RNF31: variants seen among roughly 807,000 people sequenced by gnomAD.
RNF31 encodes ring finger protein 31.
RNF31 carries 38 observed loss-of-function variants against 133.6 expected under a neutral mutation model. That is an observed-to-expected ratio of 0.28 (90% CI 0.22 to 0.37). The LOEUF (loss-of-function observed/expected upper bound fraction) is 0.37. Ranked by LOEUF, RNF31 falls within the 10% of genes least tolerant of loss-of-function variation. The pLI is 1.00. For missense variants in RNF31, 1,118 were observed against 1,394.1 expected (o/e 0.80, Z 3.15); for synonymous variants, 582 against 552.3 (o/e 1.05, Z -0.75).
In RNF31 at chr14:24,157,358, A is replaced by C; in HGVS notation, c.2562A>C (p.Glu854Asp). The C allele has an allele frequency of 6.2e-7, 1 of 1,612,644 alleles. No individual in the cohort carries two copies. The highest frequency in any genetic ancestry group is 8.5e-7 in the Non-Finnish European group (1 of 1,178,790). The change falls in exon 15 of 21, where the codon GAA (glutamate) becomes GAC (aspartate). Residue 854 changes from glutamate to aspartate, a missense_variant. Physicochemically the swap from Glu to Asp is conservative, Grantham distance 45. Transcript: ENST00000324103. ...FQNWKRMNDPEYQAQGLAMYL... is the reference protein window; with the variant it reads ...FQNWKRMNDPDYQAQGLAMYL... ...ACTGGAAACGCATGAACGACCCAGAATACCAGGCCCAGGGCCTAGCAATGT... is the reference window on the plus strand; with the variant it reads ...ACTGGAAACGCATGAACGACCCAGACTACCAGGCCCAGGGCCTAGCAATGT...
Position 24,151,211 on chromosome 14 carries a change from G to C in RNF31, c.1569G>C (p.Trp523Cys). The C allele has an allele frequency of 1.9e-6, 3 of 1,614,188 alleles. No homozygotes were observed. The highest frequency in any genetic ancestry group is 2.5e-6 in the Non-Finnish European group (3 of 1,180,048). The change falls in exon 9 of 21, where the codon TGG becomes TGC. Residue 523 changes from tryptophan (W) to cysteine (C), a missense_variant. This residue lies in a region of RNF31 where 747 missense variants were observed against 827.9 expected (regional missense o/e 0.90). Coordinates refer to ENST00000324103, the MANE Select transcript of RNF31 (RefSeq NM_017999.5). This position sits in a 1 kb window ranked among gnomAD's most constrained non-coding sequence, Gnocchi z 5.3. ...CGGGCACTGAGGTGCCTCTGCAGTG[G>C]TTGCGCTCAGAACTGCCCTACGTCC... is the stretch of plus-strand genomic sequence containing the variant. Reference protein sequence around the residue: ...QYSGTEVPLQWLRSELPYVLE... With the variant: ...QYSGTEVPLQCLRSELPYVLE...
rs532103765 is a variant in RNF31 at position 24,157,284 on chromosome 14, T to C, written c.2494-6T>C. The C allele has an allele frequency of 1.9e-5, 31 of 1,595,416 alleles. No individual in the cohort carries two copies. The highest frequency in any genetic ancestry group is 1.5e-4 in the African/African-American group (11 of 74,384). ...TCCCATGTGAAGCCTACTTTCCCTC[T>C]GGCAGTGGGAGGAGCAGCACCGAGG... On this transcript the variant is annotated splice_region_variant and splice_polypyrimidine_tract_variant and intron_variant, in intron 14 of 20. Coordinates refer to ENST00000324103, the MANE Select transcript of RNF31 (RefSeq NM_017999.5).
rs372700410 is a variant in RNF31, at chr14:24,155,467, C to T, written c.2358C>T (p.Thr786=). 1.7e-4 allele frequency: 281 copies of T among 1,614,062 alleles called. 2 individuals are homozygous for T. The highest frequency in any genetic ancestry group is 1.0e-3 in the South Asian group (94 of 91,086). ...ATGCGTTGTTCCATAAGAAGCTGAC[C>T]GAGGGTGTGCTGATGCGGGACCCCA... The part of the protein sequence containing the change: ...DAYALFHKKL[T]EGVLMRDPKF... The change falls in exon 13 of 21, where the codon ACC becomes ACT. Residue 786 remains threonine (T), a synonymous_variant. Transcript: ENST00000324103. This position sits in a 1 kb window ranked among gnomAD's most constrained non-coding sequence, Gnocchi z 4.9.
rs765852307 is a variant in RNF31, at chr14:24,160,304, A to G, written c.3062A>G (p.Tyr1021Cys). ...CACTCGCTGGACCCAGCCACCTTGT[A>G]TGAGGTGGAAGAGCTGGAGACGGCC... ...NAHSLDPATLYEVEELETATE... is the reference protein window; with the variant it reads ...NAHSLDPATLCEVEELETATE... Residue 1021 changes from tyrosine (Y) to cysteine (C), a missense_variant, in exon 20 of 21, where the codon TAT becomes TGT. Around this residue, in one of 3 missense-constraint regions of RNF31, gnomAD observed 170 missense variants for 194.5 expected, o/e 0.87. Coordinates refer to ENST00000324103, the MANE Select transcript of RNF31 (RefSeq NM_017999.5). This position sits in a 1 kb window ranked among gnomAD's most constrained non-coding sequence, Gnocchi z 4.0. 1 of 1,614,162 alleles carries G rather than the reference A, an allele frequency of 6.2e-7. No homozygotes were observed. The highest frequency in any genetic ancestry group is 1.1e-5 in the South Asian group (1 of 91,090).
intron 11 of RNF31, among the ~76,000 whole-genome samples, chr14:24,153,490 T>C (rs995234745): frequency 6.6e-6 from 1 of 151,496 alleles, no homozygotes. Context: ...GGCAGGAGAA[T>C]CGCTTGAACC....
chr14:24,157,827 C>T (rs898963322), intron 16 of RNF31, 71 bp from the exon 17 acceptor site: 23 of 1,318,312 alleles, frequency 1.7e-5, no homozygotes, highest in Admixed American at 1.4e-4. Context: ...ACACCCCTCA[C>T]GCAGGGGTTC....
chr14:24,152,361 C>T lies in RNF31; in HGVS notation c.2130+369C>T, dbSNP rs140191495. ...GGCTATTATGATATCAAATATCAGGCATAATATAGTTTATAAATGTTTCCG... is the reference window on the plus strand; with the variant it reads ...GGCTATTATGATATCAAATATCAGGTATAATATAGTTTATAAATGTTTCCG... On this transcript the variant is annotated intron_variant, in intron 11 of 20. Coordinates refer to ENST00000324103, the MANE Select transcript of RNF31 (RefSeq NM_017999.5). Among the ~76,000 whole-genome samples the T allele has an allele frequency of 4.2e-3, 633 of 152,290 alleles. 9 individuals carry two copies. Among genetic ancestry groups the T allele is most frequent in the Middle Eastern group, 0.017 (5 of 294 alleles).
intron 11 of RNF31, among the ~76,000 whole-genome samples, chr14:24,154,520 C>T (rs568390111): frequency 9.2e-5 from 14 of 152,308 alleles, no homozygotes; most frequent in Non-Finnish European, 1.5e-4. Context: ...TCAAGTGATG[C>T]GCCCGCCTTG....
In RNF31 at chr14:24,159,910, G is replaced by A; in HGVS notation, c.2946G>A (p.Arg982=). The change falls in exon 19 of 21, where the codon AGG becomes AGA. Residue 982 remains arginine (R), a synonymous_variant. Transcript: ENST00000324103. ...IEQKEVPNGL[R]DEACGKETPA... The stretch of plus-strand genomic sequence containing the variant: ...AGAAGGAGGTTCCCAATGGGCTCAG[G>A]GACGAAGCTTGTGGCAAGGAAACTC... 1.2e-6 allele frequency: 2 copies of A among 1,614,156 alleles called. No individual in the cohort carries two copies. Among genetic ancestry groups the A allele is most frequent in the Non-Finnish European group, 8.5e-7 (1 of 1,180,044 alleles).
chr14:24,157,864 C>T (rs1455862477), intron 16 of RNF31, 34 bp from the exon 17 acceptor site: 1 of 1,585,168 alleles, frequency 6.3e-7, no homozygotes, highest in Non-Finnish European at 8.7e-7. Context: ...CCAACAGTCT[C>T]CAACTTCCTC....
At chr14:24,154,198 C>T (rs1396396348) in intron 11 of RNF31, among the ~76,000 whole-genome samples, 1 of 151,948 alleles carries the variant, frequency 6.6e-6, no homozygotes, top group Non-Finnish European at 1.5e-5. Context: ...GCTCTTGTTG[C>T]CCAGCCTGGA....
At chr14:24,148,913 C>A in intron 5 of RNF31, 37 bp downstream of exon 5, 2 of 1,554,064 alleles carry the variant, frequency 1.3e-6, no homozygotes, top group South Asian at 1.1e-5. Context: ...AGGTAGGAAG[C>A]TATATTGATG....
rs773511210 is a variant in RNF31, at chr14:24,155,165, C to T, written c.2139C>T (p.Ala713=). Reference sequence around the variant, plus strand: ...AACCCCTCACCCTCCAGATGCAGGCCCTGACTTCCTGTGAGTGCACCATCT... The same window carrying T: ...AACCCCTCACCCTCCAGATGCAGGCTCTGACTTCCTGTGAGTGCACCATCT... The part of the protein sequence containing the change: ...GWALPHNRMQ[A]LTSCECTICP... Residue 713 remains alanine (A), a synonymous_variant, in exon 12 of 21, where the codon GCC becomes GCT. Coordinates refer to ENST00000324103, the MANE Select transcript of RNF31 (RefSeq NM_017999.5). This position sits in a 1 kb window ranked among gnomAD's most constrained non-coding sequence, Gnocchi z 4.9. 21 of 1,613,894 alleles carry T rather than the reference C, an allele frequency of 1.3e-5. 1 individual carries two copies. In the East Asian group the frequency reaches 1.3e-4, roughly 10 times the overall value.
chr14:24,157,944 A>G lies in RNF31; in HGVS notation c.2774A>G (p.His925Arg). The change falls in exon 17 of 21, where the codon CAC becomes CGC. Residue 925 changes from histidine (H) to arginine (R), a missense_variant. By Grantham distance (29) the His-to-Arg change is conservative (BLOSUM62 0). Around this residue, in one of 3 missense-constraint regions of RNF31, gnomAD observed 170 missense variants for 194.5 expected, o/e 0.87. Coordinates refer to ENST00000324103, the MANE Select transcript of RNF31 (RefSeq NM_017999.5). ...NCRVKKSLHG[H>R]HPRDCLFYLR... ...AGGGTGAAAAAGTCCCTGCACGGCC[A>G]CCACCCTCGAGACTGCCTCTTCTAC... is the stretch of plus-strand genomic sequence containing the variant. 1 of 1,614,138 alleles carries G rather than the reference A, an allele frequency of 6.2e-7. No homozygotes were observed. Among genetic ancestry groups the G allele is most frequent in the Non-Finnish European group, 8.5e-7 (1 of 1,180,012 alleles).
chr14:24,158,920 C>A (rs1257456493), intron 18 of RNF31, among the ~76,000 whole-genome samples: 2 of 150,818 alleles, frequency 1.3e-5, no homozygotes, highest in Non-Finnish European at 2.9e-5. Context: ...GTAGTCCCAG[C>A]TACTCGGGAG....
At chr14:24,153,285 A>T (rs1161788272) in intron 11 of RNF31, among the ~76,000 whole-genome samples, 1 of 151,844 alleles carries the variant, frequency 6.6e-6, no homozygotes, top group Non-Finnish European at 1.5e-5. Context: ...ATCTCTAAAA[A>T]AATAAATAAA....
At chr14:24,156,976 G>C (rs2038349524) in intron 14 of RNF31, among the ~76,000 whole-genome samples, 1 of 152,126 alleles carries the variant, frequency 6.6e-6, no homozygotes, top group African/African-American at 2.4e-5. Context: ...GGGAAACAGA[G>C]AGACTAGTAA....
intron 11 of RNF31, 49 bp downstream of exon 11, chr14:24,152,041 G>T: frequency 6.4e-7 from 1 of 1,559,868 alleles, no homozygotes; most frequent in South Asian, 1.1e-5. Flanking sequence ...CTATTCTTTT[G>T]GACCCCCATC....
chr14:24,158,833 A>C (rs188925432), intron 18 of RNF31: 3 of 150,330 alleles, frequency 2.0e-5, no homozygotes, highest in Non-Finnish European at 4.4e-5. Context: ...TCAGATCGAG[A>C]CCATCCTGGC....
Sources: gnomAD v4.1 joint callset for allele counts (sites outside exome capture counted in the v4.1 genomes callset) on GRCh38, gnomAD v4.1.1 for gene constraint, gnomAD v4.1.1 regional missense constraint, Gnocchi (gnomAD v3.1) non-coding constraint, MANE v1.5 for transcripts, NCBI Gene and HGNC (gene_info 2026-07-23, HGNC 2026-07-21) for gene names.